NELL1: variants seen among roughly 807,000 people sequenced by gnomAD.
The protein encoded by NELL1 is neural EGFL like 1.
Under a neutral mutation model 107.4 loss-of-function variants are expected in NELL1, and 76 were observed. The ratio of observed to expected loss-of-function variants is 0.71; its 90% CI spans 0.59 to 0.86. The LOEUF is 0.86. Among genes scored for constraint, NELL1 ranks in the 40% least tolerant of loss-of-function variants. The probability of loss-of-function intolerance (pLI) is 0.00; values close to 1 mark genes in which losing one functional copy is unlikely to be tolerated. For synonymous variants in NELL1, 353 were observed against 341.2 expected (o/e 1.03, Z -0.38); for missense variants, 1,024 against 1,005.5 (o/e 1.02, Z -0.25).
At chr11:20,855,019 T>C (rs1848857211) in intron 4 of NELL1, among the ~76,000 whole-genome samples, 1 of 152,198 alleles carries the variant, frequency 6.6e-6, no homozygotes, top group Non-Finnish European at 1.5e-5. Flanking sequence ...GTGTTGGATA[T>C]CTCATTCTGA....
intron 15 of NELL1, among the ~76,000 whole-genome samples, chr11:21,485,802 C>T (rs1048116576): frequency 6.6e-6 from 1 of 152,066 alleles, no homozygotes; most frequent in Non-Finnish European, 1.5e-5. Context: ...GCCTGCTGTC[C>T]TGGTCCCACC....
intron 3 of NELL1, among the ~76,000 whole-genome samples, chr11:20,809,669 T>G (rs1250254817): frequency 6.6e-6 from 1 of 152,214 alleles, no homozygotes; most frequent in Non-Finnish European, 1.5e-5. Flanking sequence ...GTCTTTCAGG[T>G]TCCTCTAAGT....
chr11:21,231,596 C>G (rs1242251633), intron 14 of NELL1, among the ~76,000 whole-genome samples: 1 of 152,050 alleles, frequency 6.6e-6, no homozygotes, highest in Non-Finnish European at 1.5e-5. Context: ...ATTATGTTAC[C>G]TCATAAAATA....
intron 14 of NELL1, among the ~76,000 whole-genome samples, chr11:21,365,890 G>A (rs1259925670): frequency 2.0e-5 from 3 of 152,044 alleles, no homozygotes; most frequent in Admixed American, 6.6e-5. Flanking sequence ...CAACTTAATT[G>A]TGTAAAGTTG....
At chr11:21,192,128 T>C (rs935179282) in intron 13 of NELL1, among the ~76,000 whole-genome samples, 6 of 151,932 alleles carry the variant, frequency 3.9e-5, no homozygotes, top group Non-Finnish European at 1.5e-5. Flanking sequence ...TGGTTCTTTA[T>C]TTCATATGGC....
intron 2 of NELL1, among the ~76,000 whole-genome samples, chr11:20,700,743 G>A (rs1195798142): frequency 6.6e-6 from 1 of 151,954 alleles, no homozygotes; most frequent in Non-Finnish European, 1.5e-5. Context: ...CCACCTCTGA[G>A]TAAGAACATG....
At chr11:21,079,982 C>A (rs1426026900) in intron 12 of NELL1, among the ~76,000 whole-genome samples, 2 of 151,810 alleles carry the variant, frequency 1.3e-5, no homozygotes, top group East Asian at 3.9e-4. Flanking sequence ...AAAATGATGA[C>A]CTTGGTTTTG....
intron 15 of NELL1, among the ~76,000 whole-genome samples, chr11:21,381,262 C>T (rs1203247090): frequency 6.6e-6 from 1 of 151,924 alleles, no homozygotes; most frequent in Non-Finnish European, 1.5e-5. Context: ...TTCCTTTCAA[C>T]ATTTTTGTGC....
chr11:21,088,480 G>A (rs1854449891), intron 12 of NELL1, among the ~76,000 whole-genome samples: 1 of 152,060 alleles, frequency 6.6e-6, no homozygotes, highest in Non-Finnish European at 1.5e-5. Context: ...ACCCATATAT[G>A]TCCTTTCTAT....
intron 14 of NELL1, among the ~76,000 whole-genome samples, chr11:21,316,212 G>A (rs1475069212): frequency 6.6e-6 from 1 of 151,046 alleles, no homozygotes; most frequent in Non-Finnish European, 1.5e-5. Context: ...TAATACCCAG[G>A]GGACTTTTTA....
intron 12 of NELL1, among the ~76,000 whole-genome samples, chr11:21,081,231 G>A (rs183901720): frequency 6.6e-6 from 1 of 152,128 alleles, no homozygotes; most frequent in East Asian, 1.9e-4. Context: ...CCCCCTTCTT[G>A]AGACACTTTC....
intron 12 of NELL1, among the ~76,000 whole-genome samples, chr11:20,961,901 C>T (rs945408888): frequency 6.6e-6 from 1 of 152,118 alleles, no homozygotes; most frequent in African/African-American, 2.4e-5. Context: ...TGACTAAAGA[C>T]CTCTAGTTAT....
chr11:21,165,383 AG>A (rs1856457356), intron 13 of NELL1, among the ~76,000 whole-genome samples: 1 of 152,218 alleles, frequency 6.6e-6, no homozygotes, highest in South Asian at 2.1e-4. Context: ...ACTCCCCCTT[AG>A]GATCCAACCT....
intron 11 of NELL1, among the ~76,000 whole-genome samples, chr11:20,954,076 C>G (rs1400903227): frequency 1.3e-5 from 2 of 152,178 alleles, no homozygotes; most frequent in Admixed American, 1.3e-4. Flanking sequence ...TCCACAAGTT[C>G]ACTGCCTTCC....
At chr11:21,048,933 G>A (rs184979432) in intron 12 of NELL1, among the ~76,000 whole-genome samples, 1 of 152,278 alleles carries the variant, frequency 6.6e-6, no homozygotes, top group East Asian at 1.9e-4. Context: ...TTGGAGACTA[G>A]CATGCAGGAA....
chr11:21,376,902 C>T (rs1851494016), intron 15 of NELL1, among the ~76,000 whole-genome samples: 1 of 152,070 alleles, frequency 6.6e-6, no homozygotes, highest in African/African-American at 2.4e-5. Flanking sequence ...ATTTTCTATC[C>T]TGAAACTTTA....
intron 4 of NELL1, among the ~76,000 whole-genome samples, chr11:20,868,495 A>T (rs531048404): frequency 6.6e-6 from 1 of 152,320 alleles, no homozygotes; most frequent in African/African-American, 2.4e-5. Context: ...GAATGTAATT[A>T]ATGTTACTGA....
chr11:20,957,091 C>G (rs1851190790), intron 11 of NELL1, among the ~76,000 whole-genome samples: 1 of 152,084 alleles, frequency 6.6e-6, no homozygotes, highest in Non-Finnish European at 1.5e-5. Context: ...AATTTCGAGT[C>G]TCTGGTGGTT....
chr11:21,055,065 T>A (rs895422889), intron 12 of NELL1, among the ~76,000 whole-genome samples: 9 of 152,062 alleles, frequency 5.9e-5, no homozygotes, highest in African/African-American at 1.9e-4. Flanking sequence ...GTGAGGTAGG[T>A]GTCTAATGTT....
Sources: gnomAD v4.1 joint callset for allele counts (sites outside exome capture counted in the v4.1 genomes callset) on GRCh38, gnomAD v4.1.1 for gene constraint, MANE v1.5 for transcripts, NCBI Gene and HGNC (gene_info 2026-07-23, HGNC 2026-07-21) for gene names.